ENAH: variants seen among roughly 807,000 people sequenced by gnomAD.
The protein encoded by ENAH is protein enabled homolog.
ENAH carries 23 observed loss-of-function variants against 78.7 expected under a neutral mutation model. That is an observed-to-expected ratio of 0.29 (90% CI 0.21 to 0.41). The LOEUF is 0.41. Ranked by LOEUF, ENAH falls within the 10% of genes least tolerant of loss-of-function variation. The pLI, the probability that ENAH is intolerant of heterozygous loss-of-function variation, is 1.00. For synonymous variants in ENAH, 226 were observed against 241.0 expected (o/e 0.94, Z 0.58); for missense variants, 544 against 691.0 (o/e 0.79, Z 2.39).
At chr1:225,575,949 G>A (rs1437107992) in intron 1 of ENAH, among the ~76,000 whole-genome samples, 2 of 151,998 alleles carry the variant, frequency 1.3e-5, no homozygotes, top group African/African-American at 4.8e-5. Flanking sequence ...ATGCCCAAAT[G>A]GACAATCTCT....
rs2096214786 is a variant in ENAH at position 225,489,898 on chromosome 1, G to A, written c.*7877C>T. ...CGGGAGGCAGAGGTTGCAGTGAGCT[G>A]AAATCACACCACTGCACTCCAGCCT... On this transcript the variant is annotated 3_prime_UTR_variant, in exon 14 of 14. Transcript: ENST00000366843. The A allele has an allele frequency of 6.6e-6, 1 of 152,130 alleles. No individual in the cohort carries two copies. Among genetic ancestry groups the A allele is most frequent in the South Asian group, 2.1e-4 (1 of 4,824 alleles). The allele number at this position is 152,130 out of a possible 1,614,324, so 9.4% of individuals were successfully genotyped here.
chr1:225,566,961 T>C (rs551743004), intron 2 of ENAH, among the ~76,000 whole-genome samples: 30 of 152,396 alleles, frequency 2.0e-4, no homozygotes, highest in Admixed American at 5.9e-4. Flanking sequence ...TTTGTTTGTT[T>C]GTCCTTAATT....
At chr1:225,543,276 T>C (rs954313852) in intron 3 of ENAH, among the ~76,000 whole-genome samples, 1 of 152,188 alleles carries the variant, frequency 6.6e-6, no homozygotes. Context: ...CCAGTGAGTA[T>C]TTCTGAATAG....
At chr1:225,567,151 T>C (rs562560547) in intron 2 of ENAH, 98 bp downstream of exon 2, 205 of 1,356,272 alleles carry the variant, frequency 1.5e-4, no homozygotes, top group Non-Finnish European at 2.0e-4. Context: ...AGAGAGACTA[T>C]TTTGATTACA....
intron 1 of ENAH, among the ~76,000 whole-genome samples, chr1:225,604,010 CTTAT>C: frequency 6.6e-6 from 1 of 152,302 alleles, no homozygotes; most frequent in East Asian, 1.9e-4. Flanking sequence ...CATTCTAAAT[CTTAT>C]TTATTCAAAA....
intron 1 of ENAH, among the ~76,000 whole-genome samples, chr1:225,619,380 T>TA (rs1327937915): frequency 6.6e-6 from 1 of 152,038 alleles, no homozygotes; most frequent in African/African-American, 2.4e-5. Context: ...CTGTTTCTAC[T>TA]AAAAAATACT....
At chr1:225,499,665 CTGTCTCAAAAACAAAAAACA>C (rs2096270927) in intron 12 of ENAH, among the ~76,000 whole-genome samples, 1 of 152,116 alleles carries the variant, frequency 6.6e-6, no homozygotes, top group African/African-American at 2.4e-5. Flanking sequence ...GAGTGAGACT[CTGTCTCAAAAACAAAAAACA>C]AAGAAATAAA....
intron 1 of ENAH, among the ~76,000 whole-genome samples, chr1:225,579,544 C>T (rs138574020): frequency 1.1e-4 from 16 of 152,082 alleles, no homozygotes; most frequent in African/African-American, 3.9e-4. Flanking sequence ...ACATGAAAGA[C>T]AAAATCTGTG....
intron 1 of ENAH, among the ~76,000 whole-genome samples, chr1:225,600,280 A>G (rs2096923980): frequency 6.6e-6 from 1 of 152,160 alleles, no homozygotes; most frequent in Admixed American, 6.5e-5. Context: ...GGCCGGGAGG[A>G]TCACTTGAGC....
chr1:225,524,751 C>A, intron 4 of ENAH: 1 of 692,850 alleles, frequency 1.4e-6, no homozygotes, highest in Non-Finnish European at 1.8e-6. Context: ...TGGTGATTTG[C>A]GAACTATTTA....
intron 11 of ENAH, among the ~76,000 whole-genome samples, chr1:225,504,110 T>C (rs549640130): frequency 6.6e-6 from 1 of 151,878 alleles, no homozygotes; most frequent in South Asian, 2.1e-4. Flanking sequence ...ATGCACAAGA[T>C]ATCCTCCTGT....
At chr1:225,513,111 T>A in intron 7 of ENAH, 95 bp from the exon 8 acceptor site, 2 of 1,153,226 alleles carry the variant, frequency 1.7e-6, no homozygotes, top group Non-Finnish European at 2.4e-6. Flanking sequence ...ACATCAGCAT[T>A]AATTTTAAAA....
intron 1 of ENAH, among the ~76,000 whole-genome samples, chr1:225,629,307 T>C (rs973180141): frequency 3.4e-5 from 5 of 149,246 alleles, no homozygotes; most frequent in Admixed American, 2.7e-4. Flanking sequence ...AGGGAAAGGC[T>C]GGGCGCTGTG....
chr1:225,533,107 C>T (rs1177536614), intron 3 of ENAH, among the ~76,000 whole-genome samples: 1 of 152,084 alleles, frequency 6.6e-6, no homozygotes, highest in African/African-American at 2.4e-5. Flanking sequence ...GTTGCAGTAA[C>T]TAGCACATTG....
intron 1 of ENAH, among the ~76,000 whole-genome samples, chr1:225,586,323 A>C (rs1274614985): frequency 1.3e-5 from 2 of 151,706 alleles, no homozygotes; most frequent in East Asian, 3.9e-4. Context: ...AAAAGGGAAA[A>C]GTAGAGGGAA....
At chr1:225,558,068 TCCTC>T (rs2096676362) in intron 2 of ENAH, among the ~76,000 whole-genome samples, 1 of 152,196 alleles carries the variant, frequency 6.6e-6, no homozygotes, top group Non-Finnish European at 1.5e-5. Flanking sequence ...ACAATCTTGG[TCCTC>T]ATATATCAAT....
intron 1 of ENAH, among the ~76,000 whole-genome samples, chr1:225,577,930 A>G (rs1489320560): frequency 2.0e-5 from 3 of 152,206 alleles, no homozygotes; most frequent in Non-Finnish European, 2.9e-5. Flanking sequence ...TCTTTTCTCA[A>G]TAATTCTTAT....
rs1004684864 is a variant in ENAH, at chr1:225,498,502, G to A, written c.1618-98C>T. On this transcript the variant is annotated intron_variant, in intron 12 of 13. Transcript: ENST00000366843. ...TTAAGAATGTCATGAAATATGATGT[G>A]TAGTTTTTTTTGTTTCCAGAGCCAC... The A allele has an allele frequency of 1.9e-5, 14 of 744,284 alleles. No homozygotes were observed. The East Asian group carries it at 3.1e-4, about 17-fold the overall frequency. The allele number at this position is 744,284 out of a possible 1,614,324, so 46.1% of individuals were successfully genotyped here. A position where few individuals can be genotyped will look rare whatever the true frequency, so the allele number is the denominator to read the frequency against.
Position 225,554,995 on chromosome 1 carries a change from T to C in ENAH, c.260A>G (p.Tyr87Cys). 5 of 1,608,078 alleles carry C rather than the reference T, an allele frequency of 3.1e-6. No individual in the cohort carries two copies. The highest frequency in any genetic ancestry group is 4.3e-6 in the Non-Finnish European group (5 of 1,175,316). ...FHQWRDARQV[Y>C]GLNFGSKEDA... Reference sequence around the variant, plus strand: ...CTCTTTGCTGCCAAAGTTGAGACCATACACCTGTCTAGCATCTCGCCACTG... The same window carrying C: ...CTCTTTGCTGCCAAAGTTGAGACCACACACCTGTCTAGCATCTCGCCACTG... The change falls in exon 3 of 14, where the codon TAT becomes TGT. Residue 87 changes from tyrosine to cysteine, a missense_variant. This residue lies in a region of ENAH where 77 missense variants were observed against 151.8 expected (regional missense o/e 0.51). Transcript: ENST00000366843.
Sources: gnomAD v4.1 joint callset for allele counts (sites outside exome capture counted in the v4.1 genomes callset) on GRCh38, gnomAD v4.1.1 for gene constraint, gnomAD v4.1.1 regional missense constraint, MANE v1.5 for transcripts, NCBI Gene and HGNC (gene_info 2026-07-23, HGNC 2026-07-21) for gene names.